The following NBAS variants were observed in gnomAD, a reference collection of about 807,000 sequenced individuals.
NBAS encodes the protein NAG/BC035112 fusion.
Under a neutral mutation model 302.5 loss-of-function variants are expected in NBAS, and 219 were observed. The ratio of observed to expected loss-of-function variants is 0.72; its 90% CI spans 0.65 to 0.81. The LOEUF is 0.81. NBAS is among the 30% of genes least tolerant of loss of function. NBAS has a pLI of 0.00. For missense variants in NBAS, 2,932 were observed against 2,841.6 expected (o/e 1.03, Z -0.72); for synonymous variants, 1,118 against 1,021.6 (o/e 1.09, Z -1.80).
At chr2:15,363,071 CA>C (rs533779593) in intron 32 of NBAS, among the ~76,000 whole-genome samples, 1 of 151,922 alleles carries the variant, frequency 6.6e-6, no homozygotes. Flanking sequence ...AACAAAAACC[CA>C]AAAAACAGTC....
Position 15,553,408 on chromosome 2 carries a change from A to G in NBAS, c.335+18T>C. 6.3e-7 allele frequency: 1 copy of G among 1,590,484 alleles called. No individual in the cohort carries two copies. The highest frequency in any genetic ancestry group is 8.6e-7 in the Non-Finnish European group (1 of 1,158,748). ...TTTCTCAAAGGAAATCTTGAATATG[A>G]ATAATATTAACAATTACCTGATTTC... is the stretch of plus-strand genomic sequence containing the variant. On this transcript the variant is annotated intron_variant, in intron 5 of 51. Transcript: ENST00000281513.
chr2:15,132,165 G>A, the NBAS span, among the ~76,000 whole-genome samples: 1 of 152,160 alleles, frequency 6.6e-6, no homozygotes. Context: ...GCCAAAACTT[G>A]GAAGCAACCA....
chr2:15,543,519 A>G lies in NBAS; in HGVS notation c.380-4163T>C, dbSNP rs114033631. On this transcript the variant is annotated intron_variant, in intron 6 of 51. Coordinates refer to ENST00000281513, the MANE Select transcript of NBAS (RefSeq NM_015909.4). ...TATCTGAGACTGGGCAATTTACAAA[A>G]GAAAGAGGTTTAATTGAATTTACAG... Among the ~76,000 whole-genome samples the G allele has an allele frequency of 5.0e-3, 759 of 152,264 alleles. 9 individuals carry two copies. Among genetic ancestry groups the G allele is most frequent in the African/African-American group, 0.017 (704 of 41,496 alleles).
intron 35 of NBAS, among the ~76,000 whole-genome samples, chr2:15,339,872 G>A (rs1010927980): frequency 2.0e-5 from 3 of 151,022 alleles, no homozygotes; most frequent in Non-Finnish European, 4.4e-5. Flanking sequence ...ACAGCAAGTA[G>A]AAGGATCCAG....
At chr2:15,299,644 A>T (rs1218983211) in intron 40 of NBAS, among the ~76,000 whole-genome samples, 2 of 152,244 alleles carry the variant, frequency 1.3e-5, no homozygotes, top group Non-Finnish European at 2.9e-5. Flanking sequence ...TATAAAACTA[A>T]AGGACGTTTC....
At chr2:14,841,504 A>AC in the NBAS span, among the ~76,000 whole-genome samples, 1 of 97,696 alleles carries the variant, frequency 1.0e-5, no homozygotes, top group Non-Finnish European at 1.9e-5. Flanking sequence ...TGGAAACAAA[A>AC]AAAAAAAAAA....
intron 48 of NBAS, among the ~76,000 whole-genome samples, chr2:15,192,909 G>A (rs997856329): frequency 5.3e-5 from 8 of 152,088 alleles, no homozygotes; most frequent in African/African-American, 1.9e-4. Flanking sequence ...AATAGGAAGA[G>A]ATTAACAATA....
chr2:15,268,587 C>A (rs1378956119), intron 44 of NBAS, among the ~76,000 whole-genome samples: 1 of 152,224 alleles, frequency 6.6e-6, no homozygotes, highest in African/African-American at 2.4e-5. Context: ...CTGGACAGCA[C>A]TAATCTGGGG....
chr2:14,985,414 CTGGAAA>C, the NBAS span, among the ~76,000 whole-genome samples: 1 of 152,312 alleles, frequency 6.6e-6, no homozygotes, highest in African/African-American at 2.4e-5. Flanking sequence ...AACTAGAGAA[CTGGAAA>C]CATATCCCGC....
At chr2:15,016,481 A>G in the NBAS span, among the ~76,000 whole-genome samples, 6 of 152,188 alleles carry the variant, frequency 3.9e-5, no homozygotes, top group Non-Finnish European at 8.8e-5. Context: ...GAGACTATAA[A>G]AGAATGGAAA....
chr2:15,045,935 T>A, the NBAS span, among the ~76,000 whole-genome samples: 1 of 152,326 alleles, frequency 6.6e-6, no homozygotes, highest in African/African-American at 2.4e-5. Flanking sequence ...GTGTACCCCC[T>A]AATTTCAGCA....
chr2:15,279,464 G>A (rs530451200), intron 42 of NBAS, among the ~76,000 whole-genome samples: 8 of 152,180 alleles, frequency 5.3e-5, no homozygotes, highest in East Asian at 1.9e-4. Flanking sequence ...AGCAATAATC[G>A]AAAAGAGTTC....
the NBAS span, among the ~76,000 whole-genome samples, chr2:14,922,664 C>T: frequency 6.6e-6 from 1 of 152,156 alleles, no homozygotes; most frequent in African/African-American, 2.4e-5. Context: ...ACCCTATCAC[C>T]AAATACAGTT....
intron 44 of NBAS, among the ~76,000 whole-genome samples, chr2:15,248,840 G>T (rs1404043898): frequency 6.6e-6 from 1 of 152,068 alleles, no homozygotes; most frequent in Non-Finnish European, 1.5e-5. Flanking sequence ...ACCAAAAAAA[G>T]TCCAGGACCA....
chr2:15,371,411 A>C (rs1004862408), intron 31 of NBAS, among the ~76,000 whole-genome samples: 20 of 152,242 alleles, frequency 1.3e-4, no homozygotes, highest in African/African-American at 4.1e-4. Flanking sequence ...TTGGAACATA[A>C]AAATCACTCA....
At chr2:15,151,179 AG>A in the NBAS span, among the ~76,000 whole-genome samples, 1 of 152,260 alleles carries the variant, frequency 6.6e-6, no homozygotes, top group African/African-American at 2.4e-5. Flanking sequence ...TTATCTGTGG[AG>A]GATTTAATGA....
At chr2:15,421,197 C>T (rs1159254441) in intron 23 of NBAS, among the ~76,000 whole-genome samples, 1 of 151,946 alleles carries the variant, frequency 6.6e-6, no homozygotes, top group African/African-American at 2.4e-5. Context: ...ATTAAGAAAG[C>T]TTGATGCATA....
chr2:15,031,064 T>C, the NBAS span, among the ~76,000 whole-genome samples: 6 of 152,226 alleles, frequency 3.9e-5, no homozygotes, highest in African/African-American at 4.8e-5. Flanking sequence ...TGATTACAAA[T>C]ATAAAAAGAG....
At position 15,292,701 on chromosome 2, in the gene NBAS, C is replaced by A. The variant is rs760228804; in HGVS notation, c.4863G>T (p.Trp1621Cys). 6.2e-7 allele frequency: 1 copy of A among 1,614,162 alleles called. No homozygotes were observed. Residue 1621 changes from tryptophan (W) to cysteine (C), a missense_variant, in exon 41 of 52, where the codon TGG (tryptophan) becomes TGT (cysteine). By Grantham distance (215) the Trp-to-Cys change is radical. Coordinates refer to ENST00000281513, the MANE Select transcript of NBAS (RefSeq NM_015909.4). ...RHVTRHEHEA[W>C]PEDLISLTKQ... ...TGGTCAGTGAAATAAGGTCTTCAGG[C>A]CAGGCTTCGTGCTCATGTCGAGTCA...
Sources: allele counts gnomAD v4.1 joint callset (sites outside exome capture counted in the v4.1 genomes callset), GRCh38; gene constraint gnomAD v4.1.1; transcripts MANE v1.5; gene names NCBI Gene and HGNC (gene_info 2026-07-23, HGNC 2026-07-21).